Variants in GABRB2 observed in about 807,000 individuals in gnomAD.
GABRB2 encodes gamma-aminobutyric acid type A receptor subunit beta2.
A neutral mutation model predicts 54.7 loss-of-function variants in GABRB2; 16 were observed. The ratio of observed to expected loss-of-function variants is 0.29; its 90% confidence interval spans 0.20 to 0.44. GABRB2 has a LOEUF of 0.44. GABRB2 is among the 20% of genes least tolerant of loss of function. The pLI is 1.00. For missense variants in GABRB2, 355 were observed against 644.0 expected (o/e 0.55, Z 4.86); for synonymous variants, 244 against 233.8 (o/e 1.04, Z -0.40).
At chr5:161,530,313 C>A (rs898343907) in intron 3 of GABRB2, among the ~76,000 whole-genome samples, 45 of 152,036 alleles carry the variant, frequency 3.0e-4, no homozygotes, top group African/African-American at 1.1e-3. Context: ...TTAAAAATGT[C>A]CCACTAAATG....
chr5:161,319,664 T>C (rs572556629), intron 9 of GABRB2, among the ~76,000 whole-genome samples: 2 of 151,726 alleles, frequency 1.3e-5, no homozygotes, highest in Admixed American at 1.3e-4. Flanking sequence ...GTACCTTATT[T>C]ACGTTATGTG....
chr5:161,342,999 A>G (rs1754216537), intron 5 of GABRB2, among the ~76,000 whole-genome samples: 1 of 152,072 alleles, frequency 6.6e-6, no homozygotes, highest in South Asian at 2.1e-4. Flanking sequence ...CACTCCATGC[A>G]GAGGCCTGTA....
intron 9 of GABRB2, among the ~76,000 whole-genome samples, chr5:161,314,657 AAC>A (rs1298108811): frequency 6.6e-6 from 1 of 151,996 alleles, no homozygotes; most frequent in Non-Finnish European, 1.5e-5. Flanking sequence ...GTTCATGGAA[AAC>A]AGTTTCTCTC....
chr5:161,503,136 T>G (rs72813594), intron 3 of GABRB2, among the ~76,000 whole-genome samples: 28,439 of 151,706 alleles, frequency 0.19, 3,410 homozygotes, highest in Non-Finnish European at 0.27. Context: ...TTATTGTTTT[T>G]TTTTTTCCAG....
rs1195229700 is a variant in GABRB2 at position 161,290,094 on chromosome 5, A to C, written c.*3987T>G. 1 of 152,602 alleles carries C rather than the reference A, an allele frequency of 6.6e-6. No individual in the cohort carries two copies. Among genetic ancestry groups the C allele is most frequent in the Non-Finnish European group, 1.5e-5 (1 of 68,014 alleles). The allele number at this position is 152,602 out of a possible 1,614,324, so 9.5% of individuals were successfully genotyped here. A position where few individuals can be genotyped will look rare whatever the true frequency, so the allele number is the denominator to read the frequency against. On this transcript the variant is annotated 3_prime_UTR_variant, in exon 10 of 10. Coordinates refer to ENST00000393959, the MANE Select transcript of GABRB2 (RefSeq NM_001371727.1). ...ACCATAAAATACAAATTAGAAGTTA[A>C]AAATATTTAAGAAATCTGTTTTAAT...
rs372923796 is a variant in GABRB2 at position 161,332,252 on chromosome 5, A to G, written c.833-1125T>C. 6.8e-4 allele frequency among the ~76,000 whole-genome samples: 104 copies of G among 152,294 alleles called. 2 individuals are homozygous for G. In the South Asian group the frequency reaches 0.021, roughly 31 times the overall value. On this transcript the variant is annotated intron_variant, in intron 7 of 9. Coordinates refer to ENST00000393959, the MANE Select transcript of GABRB2 (RefSeq NM_001371727.1). ...GATGGAAGTGAAGTCAATTAAAATA[A>G]CAGCAAGGGTACTGAAATTAAAGAA...
chr5:161,480,302 TGATTACA>T (rs889666164), intron 3 of GABRB2, among the ~76,000 whole-genome samples: 12 of 152,132 alleles, frequency 7.9e-5, no homozygotes, highest in African/African-American at 2.9e-4. Flanking sequence ...ATTTGGGGTT[TGATTACA>T]GAAGCTGGTA....
intron 2 of GABRB2, among the ~76,000 whole-genome samples, chr5:161,545,796 T>C (rs1411083498): frequency 6.6e-6 from 1 of 152,012 alleles, no homozygotes; most frequent in African/African-American, 2.4e-5. Flanking sequence ...TCCCATTTTC[T>C]CCCTACCCTC....
At chr5:161,296,554 T>C (rs894373025) in intron 9 of GABRB2, among the ~76,000 whole-genome samples, 2 of 152,370 alleles carry the variant, frequency 1.3e-5, no homozygotes, top group African/African-American at 4.8e-5. Context: ...CAAATTATTT[T>C]TGAGTAATTT....
intron 3 of GABRB2, among the ~76,000 whole-genome samples, chr5:161,491,243 CTA>C (rs1759085605): frequency 6.6e-6 from 1 of 151,312 alleles, no homozygotes; most frequent in African/African-American, 2.4e-5. Context: ...AAAATTGTTG[CTA>C]TATATATAAT....
chr5:161,341,324 A>G (rs1754149787), intron 5 of GABRB2, among the ~76,000 whole-genome samples: 4 of 152,050 alleles, frequency 2.6e-5, no homozygotes, highest in Admixed American at 2.6e-4. Context: ...TTCTTTAAAA[A>G]GATATCAGAA....
chr5:161,526,444 G>A (rs1760283874), intron 3 of GABRB2, among the ~76,000 whole-genome samples: 2 of 151,398 alleles, frequency 1.3e-5, no homozygotes, highest in South Asian at 2.1e-4. Flanking sequence ...TTTATTCTGA[G>A]TGTAGATGCT....
chr5:161,402,268 A>G (rs1756220092), intron 5 of GABRB2, among the ~76,000 whole-genome samples: 1 of 152,142 alleles, frequency 6.6e-6, no homozygotes, highest in Admixed American at 6.6e-5. Context: ...GGAACTGCAA[A>G]TTATATTCTA....
intron 5 of GABRB2, among the ~76,000 whole-genome samples, chr5:161,399,003 A>C (rs1410538099): frequency 6.6e-6 from 1 of 152,142 alleles, no homozygotes; most frequent in East Asian, 1.9e-4. Flanking sequence ...TCTAGTTATA[A>C]GGGTGACTGA....
chr5:161,534,540 T>C, intron 3 of GABRB2, among the ~76,000 whole-genome samples: 1 of 152,180 alleles, frequency 6.6e-6, no homozygotes, highest in Non-Finnish European at 1.5e-5. Context: ...ATACTTCCCT[T>C]GTCTATTTTC....
chr5:161,348,847 C>A (rs997922352), intron 5 of GABRB2, among the ~76,000 whole-genome samples: 3 of 151,914 alleles, frequency 2.0e-5, no homozygotes, highest in Admixed American at 1.3e-4. Flanking sequence ...TAATGTAACT[C>A]ATTTGGTTAT....
At chr5:161,505,375 C>T (rs1295734751) in intron 3 of GABRB2, among the ~76,000 whole-genome samples, 1 of 152,044 alleles carries the variant, frequency 6.6e-6, no homozygotes, top group African/African-American at 2.4e-5. Context: ...TGGTGATCCA[C>T]CCGCCTCCGC....
At chr5:161,311,705 C>T (rs188401956) in intron 9 of GABRB2, among the ~76,000 whole-genome samples, 3 of 152,288 alleles carry the variant, frequency 2.0e-5, no homozygotes, top group Admixed American at 1.3e-4. Flanking sequence ...TTAATTTAGT[C>T]CACAGATCAG....
At chr5:161,506,517 AC>A (rs1387956005) in intron 3 of GABRB2, among the ~76,000 whole-genome samples, 1 of 152,172 alleles carries the variant, frequency 6.6e-6, no homozygotes, top group Non-Finnish European at 1.5e-5. Context: ...AATTTTCCAC[AC>A]ATTGTTGTTT....
Sources: gnomAD v4.1 joint callset for allele counts (sites outside exome capture counted in the v4.1 genomes callset) on GRCh38, gnomAD v4.1.1 for gene constraint, MANE v1.5 for transcripts, NCBI Gene and HGNC (gene_info 2026-07-23, HGNC 2026-07-21) for gene names.